Variants in VWC2L observed in about 807,000 individuals in gnomAD.
VWC2L encodes the protein von Willebrand factor C domain containing 2 like, also known as von Willebrand factor C domain-containing protein 2-like.
Under a neutral mutation model 21.6 loss-of-function variants are expected in VWC2L, and 10 were observed. The ratio of observed to expected loss-of-function variants is 0.46; its 90% CI spans 0.29 to 0.78. VWC2L has a LOEUF of 0.78. VWC2L is among the 30% of genes least tolerant of loss of function. VWC2L has a pLI of 0.10. For synonymous variants in VWC2L, 96 were observed against 94.3 expected, an observed-to-expected ratio of 1.02 and a Z score of -0.10; for missense variants, 209 against 277.1, an observed-to-expected ratio of 0.75 and a Z score of 1.74.
chr2:214,497,010 A>G (rs1221760536), intron 3 of VWC2L, among the ~76,000 whole-genome samples: 1 of 152,218 alleles, frequency 6.6e-6, no homozygotes, highest in Non-Finnish European at 1.5e-5. Flanking sequence ...TATTTCTTTG[A>G]AAAGAAAGGA....
intron 3 of VWC2L, among the ~76,000 whole-genome samples, chr2:214,469,595 CA>C (rs201147991): frequency 2.7e-4 from 38 of 141,380 alleles, no homozygotes; most frequent in Non-Finnish European, 3.1e-4. Context: ...ACTCTGTCTC[CA>C]AAAAAAAAAA....
chr2:214,485,913 A>G (rs963734786), intron 3 of VWC2L, among the ~76,000 whole-genome samples: 1 of 152,244 alleles, frequency 6.6e-6, no homozygotes, highest in Admixed American at 6.5e-5. Flanking sequence ...ATGAACTCAG[A>G]AAGAACAAAA....
intron 3 of VWC2L, among the ~76,000 whole-genome samples, chr2:214,443,268 A>G (rs1250844035): frequency 6.6e-6 from 1 of 152,082 alleles, no homozygotes; most frequent in Non-Finnish European, 1.5e-5. Flanking sequence ...GCTACTCAGG[A>G]GGCTGAGGCA....
At chr2:214,553,066 C>A (rs1384903076) in intron 3 of VWC2L, among the ~76,000 whole-genome samples, 2 of 152,172 alleles carry the variant, frequency 1.3e-5, no homozygotes, top group Non-Finnish European at 2.9e-5. Flanking sequence ...AGTGTCTCCC[C>A]AGCCCATCCC....
intron 3 of VWC2L, among the ~76,000 whole-genome samples, chr2:214,551,034 A>C (rs1023548659): frequency 5.3e-5 from 8 of 152,176 alleles, no homozygotes; most frequent in Non-Finnish European, 1.0e-4. Flanking sequence ...CTGCAACAAA[A>C]ATTAGCAGAA....
chr2:214,447,477 C>G (rs1702855360), intron 3 of VWC2L, among the ~76,000 whole-genome samples: 1 of 152,144 alleles, frequency 6.6e-6, no homozygotes, highest in African/African-American at 2.4e-5. Flanking sequence ...TTCACTTCTT[C>G]ACTTCACATC....
rs1702564024 is a variant in VWC2L at position 214,428,987 on chromosome 2, T to C, written c.391-7642T>C. 3.3e-5 allele frequency among the ~76,000 whole-genome samples: 5 copies of C among 152,296 alleles called. No individual in the cohort carries two copies. The South Asian group carries it at 1.0e-3, about 32-fold the overall frequency. Reference sequence around the variant, plus strand: ...GGCTGAGTTATGGCTCTTTCTCTTTTCTGTTATCACTTCCTTTCAATGTTT... The same window carrying C: ...GGCTGAGTTATGGCTCTTTCTCTTTCCTGTTATCACTTCCTTTCAATGTTT... On this transcript the variant is annotated intron_variant, in intron 2 of 3. Coordinates refer to ENST00000312504, the MANE Select transcript of VWC2L (RefSeq NM_001080500.4).
At chr2:214,488,565 T>A (rs758467255) in intron 3 of VWC2L, among the ~76,000 whole-genome samples, 14 of 152,232 alleles carry the variant, frequency 9.2e-5, no homozygotes, top group Middle Eastern at 3.4e-3. Flanking sequence ...ACCACTGCAC[T>A]CCAGCCTGGG....
chr2:214,456,919 T>A (rs1703067179), intron 3 of VWC2L, among the ~76,000 whole-genome samples: 2 of 152,174 alleles, frequency 1.3e-5, no homozygotes. Context: ...TTTATTATGT[T>A]CTGTTGGTCT....
chr2:214,443,310 T>A (rs542101098), intron 3 of VWC2L, among the ~76,000 whole-genome samples: 1 of 152,024 alleles, frequency 6.6e-6, no homozygotes, highest in East Asian at 1.9e-4. Flanking sequence ...AGGCAGAGGT[T>A]GCAGTGAGCT....
chr2:214,552,219 A>G (rs578098453), intron 3 of VWC2L, among the ~76,000 whole-genome samples: 36 of 152,326 alleles, frequency 2.4e-4, no homozygotes, highest in Middle Eastern at 3.4e-3. Context: ...TCCTTTCAGC[A>G]TATTGATAAA....
chr2:214,441,664 TGA>T (rs1223435393), intron 3 of VWC2L, among the ~76,000 whole-genome samples: 1 of 152,040 alleles, frequency 6.6e-6, no homozygotes, highest in African/African-American at 2.4e-5. Flanking sequence ...CACCCCATTT[TGA>T]GAGTGAAAAG....
chr2:214,445,920 T>C (rs1403084513), intron 3 of VWC2L, among the ~76,000 whole-genome samples: 8 of 152,184 alleles, frequency 5.3e-5, no homozygotes, highest in Admixed American at 3.9e-4. Flanking sequence ...CCACTTGACT[T>C]TTCAACACCT....
chr2:214,543,189 C>G (rs1436345924), intron 3 of VWC2L, among the ~76,000 whole-genome samples: 1 of 152,146 alleles, frequency 6.6e-6, no homozygotes. Context: ...CCTGCTTCCC[C>G]CCAGAATTCT....
chr2:214,500,719 A>C (rs1003750435), intron 3 of VWC2L, among the ~76,000 whole-genome samples: 1 of 152,184 alleles, frequency 6.6e-6, no homozygotes, highest in Admixed American at 6.5e-5. Context: ...TAACAAGATC[A>C]GAGTTCTATT....
intron 3 of VWC2L, among the ~76,000 whole-genome samples, chr2:214,551,975 G>A (rs767221363): frequency 2.0e-5 from 3 of 152,152 alleles, no homozygotes; most frequent in Non-Finnish European, 4.4e-5. Flanking sequence ...AAACTTACCT[G>A]TCCCCATCCT....
chr2:214,553,403 T>C (rs1249738987), intron 3 of VWC2L, among the ~76,000 whole-genome samples: 2 of 152,172 alleles, frequency 1.3e-5, no homozygotes, highest in Non-Finnish European at 2.9e-5. Context: ...AAGATGTACA[T>C]GGGTTTGGTC....
chr2:214,524,392 T>G (rs1689293824), intron 3 of VWC2L, among the ~76,000 whole-genome samples: 2 of 152,178 alleles, frequency 1.3e-5, no homozygotes, highest in African/African-American at 4.8e-5. Flanking sequence ...GTTTCTACCC[T>G]CAGTAAAATT....
At chr2:214,453,272 GGTTT>G (rs1285400943) in intron 3 of VWC2L, among the ~76,000 whole-genome samples, 1 of 151,850 alleles carries the variant, frequency 6.6e-6, no homozygotes, top group Non-Finnish European at 1.5e-5. Flanking sequence ...CTGATTGAAG[GGTTT>G]TTTTTTAAAT....
Sources: gnomAD v4.1 joint callset for allele counts (sites outside exome capture counted in the v4.1 genomes callset) on GRCh38, gnomAD v4.1.1 for gene constraint, MANE v1.5 for transcripts, NCBI Gene and HGNC (gene_info 2026-07-23, HGNC 2026-07-21) for gene names.